The following ANO7 variants were observed in gnomAD, a reference collection of about 807,000 sequenced individuals.
ANO7 encodes the protein anoctamin 7, also known as anoctamin-7.
Under a neutral mutation model 115.8 loss-of-function variants are expected in ANO7, and 114 were observed. The observed-to-expected ratio is 0.98, with a 90% CI of 0.85 to 1.15. The LOEUF is 1.15. Among genes scored for constraint, ANO7 ranks in the 50% most tolerant of loss-of-function variants. The pLI is 0.00. For missense variants in ANO7, 1,302 were observed against 1,201.2 expected, an observed-to-expected ratio of 1.08 and a Z score of -1.24; for synonymous variants, 550 against 498.2, an observed-to-expected ratio of 1.10 and a Z score of -1.38.
chr2:241,213,466 G>A lies in ANO7; in HGVS notation c.1728+840G>A, dbSNP rs191253363. Among the ~76,000 whole-genome samples the A allele has an allele frequency of 2.8e-3, 430 of 152,296 alleles. 4 individuals carry two copies. Among genetic ancestry groups the A allele is most frequent in the Admixed American group, 3.2e-3 (49 of 15,302 alleles). Reference sequence around the variant, plus strand: ...GTGGAGGATGAAGCGTTGTTGTCACGGGGGTCCCTGCAAAGCAGACCCCAA... The same window carrying A: ...GTGGAGGATGAAGCGTTGTTGTCACAGGGGTCCCTGCAAAGCAGACCCCAA... On this transcript the variant is annotated intron_variant, in intron 17 of 24. Coordinates refer to ENST00000674324, the MANE Select transcript of ANO7 (RefSeq NM_001370694.2).
rs2149089792 is a variant in ANO7, at chr2:241,190,052, T to G, written c.-7-5T>G. ...CCCATCCCCACCCGGCCTTGCTGGGTGCAGGAGCAGGATGCTGCGGCGACG... is the reference window on the plus strand; with the variant it reads ...CCCATCCCCACCCGGCCTTGCTGGGGGCAGGAGCAGGATGCTGCGGCGACG... On this transcript the variant is annotated splice_polypyrimidine_tract_variant and splice_region_variant and intron_variant, in intron 1 of 24. Transcript: ENST00000674324. 2.6e-6 allele frequency: 4 copies of G among 1,565,432 alleles called. No individual in the cohort carries two copies. The Middle Eastern group carries it at 5.2e-4, about 204-fold the overall frequency.
downstream of ANO7, chr2:241,230,333 G>T: frequency 9.9e-7 from 1 of 1,008,052 alleles, no homozygotes; most frequent in Non-Finnish European, 1.5e-6. The surrounding 1 kb of genome is among the most constrained non-coding windows in gnomAD (Gnocchi z 5.0). Flanking sequence ...AAAATTATGT[G>T]TCAATTTCTA....
intron 17 of ANO7, 121 bp downstream of exon 17, chr2:241,212,747 GC>G: frequency 8.7e-7 from 1 of 1,153,474 alleles, no homozygotes; most frequent in Non-Finnish European, 1.2e-6. Context: ...CCATCGCCCA[GC>G]CAGGGCCAGC....
the ANO7 span, chr2:241,236,550 C>T: frequency 1.3e-3 from 2,070 of 1,544,680 alleles, 9 homozygotes; most frequent in South Asian, 8.4e-3. Flanking sequence ...CCAGGCCACG[C>T]GTCTCCCCAG....
rs139359171 is a variant in ANO7 at position 241,223,767 on chromosome 2, C to T, written c.2518C>T (p.Leu840=). ...KREYYLAKQA[L]AENEVLFGTN... is the part of the protein sequence containing the mutation. ...GGAGTACTACCTGGCTAAGCAGGCA[C>T]TGGCTGAGAATGAGGTGAACTGTAC... The change falls in exon 23 of 25, where the codon CTG becomes TTG. Residue 840 remains leucine, a synonymous_variant. Coordinates refer to ENST00000674324, the MANE Select transcript of ANO7 (RefSeq NM_001370694.2). The T allele has an allele frequency of 4.2e-4, 675 of 1,614,230 alleles. No homozygotes were observed. Among genetic ancestry groups the T allele is most frequent in the Non-Finnish European group, 5.1e-4 (599 of 1,180,028 alleles).
intron 6 of ANO7, among the ~76,000 whole-genome samples, chr2:241,200,920 G>A (rs780008049): frequency 3.9e-5 from 6 of 152,218 alleles, no homozygotes; most frequent in African/African-American, 7.2e-5. Flanking sequence ...CCATGACGGA[G>A]CTTCAGGGCG....
At chr2:241,199,725 G>A (rs928209115) in intron 5 of ANO7, among the ~76,000 whole-genome samples, 8 of 152,186 alleles carry the variant, frequency 5.3e-5, no homozygotes, top group Admixed American at 5.2e-4. Flanking sequence ...ATGAACATGG[G>A]GTGGAGAAGG....
In ANO7 at chr2:241,203,027, G is replaced by A. The variant is rs546802395; in HGVS notation, c.724-306G>A. The stretch of plus-strand genomic sequence containing the variant: ...GAGCCTGGGGACTCTCCAACCCAGA[G>A]AAGGTGCTGGACCCTGGACCACCGC... On this transcript the variant is annotated intron_variant, in intron 8 of 24. Coordinates refer to ENST00000674324, the MANE Select transcript of ANO7 (RefSeq NM_001370694.2). The surrounding 1 kb of genome is among the most constrained non-coding windows in gnomAD (Gnocchi z 4.8). Among the ~76,000 whole-genome samples, 13 of 152,300 alleles carry A rather than the reference G, an allele frequency of 8.5e-5. No individual in the cohort carries two copies. In the East Asian group the frequency reaches 2.1e-3, roughly 25 times the overall value.
rs543895899 is a variant in ANO7 at position 241,217,350 on chromosome 2, C to A, written c.1973-336C>A. On this transcript the variant is annotated intron_variant, in intron 19 of 24. Coordinates refer to ENST00000674324, the MANE Select transcript of ANO7 (RefSeq NM_001370694.2). ...CCAAAGAGCCCTCTCCTAACAGCTC[C>A]CCTGTGGGGTGACTGGAGAAGCTGG... Among the ~76,000 whole-genome samples, 6 of 152,354 alleles carry A rather than the reference C, an allele frequency of 3.9e-5. No individual in the cohort carries two copies. In the South Asian group the frequency reaches 1.2e-3, roughly 32 times the overall value.
At chr2:241,208,928 T>C (rs1252310015) in intron 11 of ANO7, among the ~76,000 whole-genome samples, 1 of 152,018 alleles carries the variant, frequency 6.6e-6, no homozygotes, top group Non-Finnish European at 1.5e-5. Context: ...GGCGGGTGGA[T>C]CACAAGGTCA....
At chr2:241,229,783 T>TGGGGG, downstream of ANO7, 1 of 1,524,628 alleles carries the variant, frequency 6.6e-7, no homozygotes, top group Non-Finnish European at 9.0e-7. Flanking sequence ...CAAGCCCGCC[T>TGGGGG]GCCCGCCCAC....
At chr2:241,214,685 C>A in intron 17 of ANO7, 120 bp from the exon 18 acceptor site, 1 of 834,768 alleles carries the variant, frequency 1.2e-6, no homozygotes. Context: ...CCTCCAGGTG[C>A]CCAAGGCATG....
chr2:241,219,359 A>T (rs2068952792), intron 21 of ANO7, among the ~76,000 whole-genome samples: 1 of 152,178 alleles, frequency 6.6e-6, no homozygotes, highest in Admixed American at 6.5e-5. Flanking sequence ...TTAGTTGTGT[A>T]CGAATTCATA....
Position 241,195,964 on chromosome 2 carries a change from A to G in ANO7, c.309+119A>G, listed in dbSNP as rs13389075. 4,127 of 1,587,828 alleles carry G rather than the reference A, an allele frequency of 2.6e-3. 101 individuals are homozygous for G. In the African/African-American group the frequency reaches 0.048, roughly 18 times the overall value. On this transcript the variant is annotated intron_variant, in intron 4 of 24. Transcript: ENST00000674324. ...GAGTCCCAGAGCAGATCAGGCCCCAAAGTCCTGCTGGACCCCCCAGCCACC... is the reference window on the plus strand; with the variant it reads ...GAGTCCCAGAGCAGATCAGGCCCCAGAGTCCTGCTGGACCCCCCAGCCACC...
Position 241,204,857 on chromosome 2 carries a change from C to T in ANO7, c.890-8C>T, listed in dbSNP as rs1236826309. The T allele has an allele frequency of 1.9e-6, 3 of 1,612,060 alleles. No homozygotes were observed. The highest frequency in any genetic ancestry group is 2.5e-6 in the Non-Finnish European group (3 of 1,178,560). Reference sequence around the variant, plus strand: ...CCTGATGGTGGACCCCTGCCATCCTCTCTACAGGGTTTTACACAGGCTGGC... The same window carrying T: ...CCTGATGGTGGACCCCTGCCATCCTTTCTACAGGGTTTTACACAGGCTGGC... On this transcript the variant is annotated splice_polypyrimidine_tract_variant and splice_region_variant and intron_variant, in intron 9 of 24. Coordinates refer to ENST00000674324, the MANE Select transcript of ANO7 (RefSeq NM_001370694.2).
rs190698845 is a variant in ANO7 at position 241,203,597 on chromosome 2, G to A, written c.889+99G>A. The A allele has an allele frequency of 5.8e-3, 5,242 of 905,470 alleles. 54 individuals are homozygous for A. Among genetic ancestry groups the A allele is most frequent in the Middle Eastern group, 0.041 (165 of 4,070 alleles). The allele number at this position is 905,470 out of a possible 1,614,324, so 56.1% of individuals were successfully genotyped here. Reference sequence around the variant, plus strand: ...TCCGTACCCCTGGAGGGCAGCGTGCGTGGGGGCCTGGACGGTGGGCGCAGC... The same window carrying A: ...TCCGTACCCCTGGAGGGCAGCGTGCATGGGGGCCTGGACGGTGGGCGCAGC... On this transcript the variant is annotated intron_variant, in intron 9 of 24. Transcript: ENST00000674324. The surrounding 1 kb of genome is among the most constrained non-coding windows in gnomAD (Gnocchi z 4.8).
chr2:241,239,844 A>G, the ANO7 span: 13 of 1,611,932 alleles, frequency 8.1e-6, no homozygotes, highest in East Asian at 2.5e-4. The surrounding 1 kb of genome is among the most constrained non-coding windows in gnomAD (Gnocchi z 4.6). Context: ...AAGAGATGGA[A>G]GATAAGCCAC....
chr2:241,215,989 T>A, intron 18 of ANO7, 104 bp from the exon 19 acceptor site: 4 of 1,430,278 alleles, frequency 2.8e-6, no homozygotes, highest in Non-Finnish European at 3.8e-6. Context: ...GCCCTTCAAT[T>A]GCAAAGCAAC....
the ANO7 span, among the ~76,000 whole-genome samples, chr2:241,237,929 G>A: frequency 6.6e-6 from 1 of 152,230 alleles, no homozygotes; most frequent in Non-Finnish European, 1.5e-5. Flanking sequence ...GAATGGCTGT[G>A]TGTGACATGC....
Sources: allele counts gnomAD v4.1 joint callset (sites outside exome capture counted in the v4.1 genomes callset), GRCh38; gene constraint gnomAD v4.1.1; non-coding constraint Gnocchi (gnomAD v3.1); transcripts MANE v1.5; gene names NCBI Gene and HGNC (gene_info 2026-07-23, HGNC 2026-07-21).